KCNT2: variants seen among roughly 807,000 people sequenced by gnomAD.
KCNT2 encodes potassium sodium-activated channel subfamily T member 2.
KCNT2 carries 67 observed loss-of-function variants against 153.8 expected under a neutral mutation model. The observed-to-expected ratio is 0.44, with a 90% confidence interval of 0.36 to 0.53. The LOEUF is 0.53. Ranked by LOEUF, KCNT2 falls within the 20% of genes least tolerant of loss-of-function variation. The pLI is 0.00. For synonymous variants in KCNT2, 500 were observed against 458.8 expected, an observed-to-expected ratio of 1.09 and a Z score of -1.15; for missense variants, 975 against 1,354.8, an observed-to-expected ratio of 0.72 and a Z score of 4.40.
chr1:196,416,882 T>G (rs1373671260), intron 12 of KCNT2, among the ~76,000 whole-genome samples: 1 of 151,984 alleles, frequency 6.6e-6, no homozygotes, highest in African/African-American at 2.4e-5. Flanking sequence ...TCTATTTTAT[T>G]TTGTACCCAT....
At position 196,430,903 on chromosome 1, in the gene KCNT2, T is replaced by TCCAAA. The variant is rs1674095489; in HGVS notation, c.639-1147_639-1146insTTTGG. Among the ~76,000 whole-genome samples the TCCAAA allele has an allele frequency of 2.0e-5, 3 of 152,178 alleles. No homozygotes were observed. The South Asian group carries it at 6.2e-4, about 32-fold the overall frequency. On this transcript the variant is annotated intron_variant, in intron 8 of 27. Coordinates refer to ENST00000294725, the MANE Select transcript of KCNT2 (RefSeq NM_198503.5). ...TGTATAATTGCTATGGTTTGAATGC[T>TCCAAA]TGTGTCCCCTCCAAAATTCATGTTG...
At position 196,602,567 on chromosome 1, in the gene KCNT2, T is replaced by C. The variant is rs367716574; in HGVS notation, c.95+5648A>G. 5.9e-5 allele frequency among the ~76,000 whole-genome samples: 9 copies of C among 152,254 alleles called. No homozygotes were observed. In the East Asian group the frequency reaches 1.5e-3, roughly 26 times the overall value. ...GCTATATGATAGCTGTTAAATTAAA[T>C]CAAACTTTAAAAATAAAGTATCAGT... is the stretch of plus-strand genomic sequence containing the variant. On this transcript the variant is annotated intron_variant, in intron 1 of 27. Transcript: ENST00000294725.
chr1:196,342,062 C>T lies in KCNT2; in HGVS notation c.1553+17G>A. The stretch of plus-strand genomic sequence containing the variant: ...GACTGATTGATATTTTAATTTTTCT[C>T]TGAGGCAGAAACATACTTTTTGTGT... On this transcript the variant is annotated intron_variant, in intron 15 of 27. Coordinates refer to ENST00000294725, the MANE Select transcript of KCNT2 (RefSeq NM_198503.5). The T allele has an allele frequency of 6.3e-7, 1 of 1,588,410 alleles. No homozygotes were observed. The highest frequency in any genetic ancestry group is 8.6e-7 in the Non-Finnish European group (1 of 1,167,604).
chr1:196,296,824 TG>T (rs988406311), intron 22 of KCNT2, among the ~76,000 whole-genome samples: 1 of 152,088 alleles, frequency 6.6e-6, no homozygotes, highest in African/African-American at 2.4e-5. Context: ...ATAAATGTAC[TG>T]TACTCTCTTT....
chr1:196,390,734 C>T (rs1028782690), intron 13 of KCNT2, among the ~76,000 whole-genome samples: 2 of 151,268 alleles, frequency 1.3e-5, no homozygotes, highest in African/African-American at 4.8e-5. Flanking sequence ...ATCACATGTA[C>T]ACACATGGAT....
intron 1 of KCNT2, among the ~76,000 whole-genome samples, chr1:196,583,866 A>G (rs1353651979): frequency 1.3e-5 from 2 of 152,116 alleles, no homozygotes; most frequent in African/African-American, 4.8e-5. Flanking sequence ...AAATGGGTGG[A>G]AAGCATGGAA....
At chr1:196,508,978 G>A (rs1450384950) in intron 1 of KCNT2, among the ~76,000 whole-genome samples, 1 of 152,074 alleles carries the variant, frequency 6.6e-6, no homozygotes, top group Admixed American at 6.6e-5. Flanking sequence ...TGTACAAGAA[G>A]GTTCAAAGGA....
intron 22 of KCNT2, among the ~76,000 whole-genome samples, chr1:196,295,130 ATATATATGTGTATATATG>A (rs772391863): frequency 5.3e-5 from 8 of 151,686 alleles, no homozygotes; most frequent in Non-Finnish European, 1.2e-4. Flanking sequence ...CATTGTAAAT[ATATATATGTGTATATATG>A]TATATATGTG....
chr1:196,477,508 C>T (rs1426844440), intron 5 of KCNT2, among the ~76,000 whole-genome samples: 2 of 152,134 alleles, frequency 1.3e-5, no homozygotes, highest in South Asian at 2.1e-4. Context: ...TGCTTGAACC[C>T]AGGCGGAGTT....
At position 196,575,847 on chromosome 1, in the gene KCNT2, G is replaced by A. The variant is rs981856066; in HGVS notation, c.95+32368C>T. On this transcript the variant is annotated intron_variant, in intron 1 of 27. Transcript: ENST00000294725. ...ACAAAAATAAGCTGGGTGTGGAGGC[G>A]CATGCCTGTAATCCCAGCTACTTGG... Among the ~76,000 whole-genome samples the A allele has an allele frequency of 5.3e-5, 8 of 151,364 alleles. No homozygotes were observed. In the South Asian group the frequency reaches 6.2e-4, roughly 12 times the overall value.
At chr1:196,295,359 T>C (rs1395463893) in intron 22 of KCNT2, among the ~76,000 whole-genome samples, 15 of 151,938 alleles carry the variant, frequency 9.9e-5, no homozygotes, top group Admixed American at 9.2e-4. Flanking sequence ...AAAGGTAAGT[T>C]CTGTATGACT....
chr1:196,359,904 A>G (rs907722128), intron 14 of KCNT2, among the ~76,000 whole-genome samples: 3 of 152,036 alleles, frequency 2.0e-5, no homozygotes, highest in African/African-American at 4.8e-5. Flanking sequence ...ATAAATTAGT[A>G]CTAGAGCATA....
In KCNT2 at chr1:196,262,220, A is replaced by G. The variant is rs1053839611; in HGVS notation, c.2911-3726T>C. Among the ~76,000 whole-genome samples, 123 of 152,070 alleles carry G rather than the reference A, an allele frequency of 8.1e-4. 1 individual carries two copies. Among genetic ancestry groups the G allele is most frequent in the African/African-American group, 2.9e-3 (119 of 41,552 alleles). On this transcript the variant is annotated intron_variant, in intron 25 of 27. Transcript: ENST00000294725. ...TTCACACACACATCAAAGTGACTCA[A>G]TTCAACCTCTTCTTGATTTTTTACT...
At chr1:196,550,272 A>G (rs1284016276) in intron 1 of KCNT2, among the ~76,000 whole-genome samples, 1 of 151,898 alleles carries the variant, frequency 6.6e-6, no homozygotes, top group African/African-American at 2.4e-5. Flanking sequence ...AGTGAGAGAA[A>G]AAAAAATTTA....
intron 1 of KCNT2, among the ~76,000 whole-genome samples, chr1:196,605,112 G>T (rs60972661): frequency 6.6e-6 from 1 of 152,112 alleles, no homozygotes; most frequent in Admixed American, 6.5e-5. Flanking sequence ...TTACAGTGAG[G>T]AACAAGGTAG....
chr1:196,463,087 T>C (rs1677294081), intron 8 of KCNT2, among the ~76,000 whole-genome samples: 2 of 151,818 alleles, frequency 1.3e-5, no homozygotes, highest in African/African-American at 4.8e-5. Context: ...AGGAACAAGA[T>C]ATAAGGAAAA....
chr1:196,296,221 C>T (rs533217938), intron 22 of KCNT2, among the ~76,000 whole-genome samples: 10 of 151,530 alleles, frequency 6.6e-5, no homozygotes, highest in South Asian at 6.3e-4. Context: ...TTTGAAGCCC[C>T]AAGAATTAAG....
At chr1:196,514,344 T>C (rs1339472658) in intron 1 of KCNT2, among the ~76,000 whole-genome samples, 1 of 152,148 alleles carries the variant, frequency 6.6e-6, no homozygotes, top group Non-Finnish European at 1.5e-5. Context: ...TTTTCTAATT[T>C]TCAGTCATCC....
At chr1:196,426,467 T>C (rs566405989) in intron 10 of KCNT2, among the ~76,000 whole-genome samples, 1 of 152,098 alleles carries the variant, frequency 6.6e-6, no homozygotes, top group African/African-American at 2.4e-5. Flanking sequence ...AATATTTGAA[T>C]GAATAAGGAT....
Sources: gnomAD v4.1 joint callset for allele counts (sites outside exome capture counted in the v4.1 genomes callset) on GRCh38, gnomAD v4.1.1 for gene constraint, MANE v1.5 for transcripts, NCBI Gene and HGNC (gene_info 2026-07-23, HGNC 2026-07-21) for gene names.